LRP8: variants seen among roughly 807,000 people sequenced by gnomAD.
The protein encoded by LRP8 is low-density lipoprotein receptor-related protein 8.
A neutral mutation model predicts 111.6 loss-of-function variants in LRP8; 46 were observed. The observed-to-expected ratio is 0.41, with a 90% CI of 0.33 to 0.53. LRP8 has a LOEUF of 0.53. Among genes scored for constraint, LRP8 ranks in the 20% least tolerant of loss-of-function variants. The pLI, the probability that LRP8 is intolerant of heterozygous loss-of-function variation, is 0.20. For missense variants in LRP8, 959 were observed against 1,297.4 expected (o/e 0.74, Z 4.01); for synonymous variants, 464 against 511.2 (o/e 0.91, Z 1.24).
intron 16 of LRP8, among the ~76,000 whole-genome samples, chr1:53,252,862 G>T (rs1228507100): frequency 6.6e-6 from 1 of 152,146 alleles, no homozygotes; most frequent in Admixed American, 6.5e-5. Context: ...AATAAAAATA[G>T]CTGAGAAGAT....
At position 53,262,414 on chromosome 1, in the gene LRP8, T is replaced by C. The variant is rs1201874432; in HGVS notation, c.1774+32A>G. On this transcript the variant is annotated intron_variant, in intron 11 of 18. Coordinates refer to ENST00000306052, the MANE Select transcript of LRP8 (RefSeq NM_004631.5). This position sits in a 1 kb window ranked among gnomAD's most constrained non-coding sequence, Gnocchi z 4.8. ...CAGTGATCAGGACAAGGCACTAGAA[T>C]AGGCCCCCAACCCAGGAAAGGCAGG... 1 of 1,599,762 alleles carries C rather than the reference T, an allele frequency of 6.3e-7. No individual in the cohort carries two copies. Among genetic ancestry groups the C allele is most frequent in the African/African-American group, 1.3e-5 (1 of 74,678 alleles).
At chr1:53,261,996 C>T in intron 12 of LRP8, 72 bp downstream of exon 12, 2 of 1,547,602 alleles carry the variant, frequency 1.3e-6, no homozygotes, top group South Asian at 1.2e-5. Context: ...CTCAGGGACT[C>T]ATCCTATTTG....
At chr1:53,287,425 A>C (rs769880744) in intron 3 of LRP8, among the ~76,000 whole-genome samples, 2 of 152,208 alleles carry the variant, frequency 1.3e-5, no homozygotes, top group Non-Finnish European at 2.9e-5. Flanking sequence ...GAGTTTAGGA[A>C]TCTAGGAATG....
rs1353063588 is a variant in LRP8 at position 53,327,891 on chromosome 1, G to T, written c.22C>A (p.Pro8Thr). 4.7e-6 allele frequency: 7 copies of T among 1,477,472 alleles called. No homozygotes were observed. Among genetic ancestry groups the T allele is most frequent in the Middle Eastern group, 2.4e-4 (1 of 4,162 alleles). 91.5% of individuals were successfully genotyped at this position (1,477,472 alleles called of 1,614,324 possible). Residue 8 changes from proline (P) to threonine (T), a missense_variant, in exon 1 of 19, where the codon CCT becomes ACT. This residue lies in a region of LRP8 where 97 missense variants were observed against 107.5 expected (regional missense o/e 0.90). Transcript: ENST00000306052. MGLPEPG[P>T]LRLLALLLLL... ...AGCAGCAGCGCCAGAAGCCGGAGAG[G>T]GCCCGGCTCGGGGAGGCCCATGGCG...
chr1:53,260,987 C>T (rs1646314477), intron 12 of LRP8, among the ~76,000 whole-genome samples: 1 of 152,176 alleles, frequency 6.6e-6, no homozygotes, highest in South Asian at 2.1e-4. Context: ...GCTGGGCTTC[C>T]TGTAGCCTCT....
chr1:53,321,157 C>T (rs960310897), intron 2 of LRP8, among the ~76,000 whole-genome samples: 11 of 152,178 alleles, frequency 7.2e-5, no homozygotes, highest in African/African-American at 2.4e-4. Context: ...ACAAGGCTGG[C>T]GGAGTGCACA....
At chr1:53,312,711 G>A (rs568859711) in intron 2 of LRP8, among the ~76,000 whole-genome samples, 1 of 152,232 alleles carries the variant, frequency 6.6e-6, no homozygotes, top group Admixed American at 6.5e-5. Flanking sequence ...GATTCCACAA[G>A]GGATGGGGAG....
Position 53,266,856 on chromosome 1 carries a change from T to C in LRP8, c.1253-209A>G. Reference sequence around the variant, plus strand: ...GCACCACGCATAGCAGGAAGATTCTTATTCTTTTTATTAGATACAAACTTC... The same window carrying C: ...GCACCACGCATAGCAGGAAGATTCTCATTCTTTTTATTAGATACAAACTTC... On this transcript the variant is annotated intron_variant, in intron 8 of 18. Transcript: ENST00000306052. The surrounding 1 kb of genome is among the most constrained non-coding windows in gnomAD (Gnocchi z 5.0). 1.8e-6 allele frequency: 1 copy of C among 547,196 alleles called. No individual in the cohort carries two copies. The highest frequency in any genetic ancestry group is 2.4e-5 in the South Asian group (1 of 42,332). The allele number at this position is 547,196 out of a possible 1,614,324, so 33.9% of individuals were successfully genotyped here.
chr1:53,283,498 T>TACTTACTACATACCCGGGCC (rs1647188881), intron 3 of LRP8, among the ~76,000 whole-genome samples: 1 of 91,426 alleles, frequency 1.1e-5, no homozygotes, highest in Non-Finnish European at 2.2e-5. Context: ...CCGGGCCACT[T>TACTTACTACATACCCGGGCC]ACTTACTTAC....
chr1:53,320,445 C>A (rs954031204), intron 2 of LRP8, among the ~76,000 whole-genome samples: 2 of 152,172 alleles, frequency 1.3e-5, no homozygotes, highest in Admixed American at 6.5e-5. Flanking sequence ...GCCAATTCGA[C>A]CATCAGGGCC....
rs1442211835 is a variant in LRP8, at chr1:53,257,459, G to T, written c.2215C>A (p.Gln739Lys). 27 of 1,613,520 alleles carry T rather than the reference G, an allele frequency of 1.7e-5. No homozygotes were observed. Among genetic ancestry groups the T allele is most frequent in the Non-Finnish European group, 2.3e-5 (27 of 1,179,656 alleles). Reference protein sequence around the residue: ...PDMKRCYRAPQSTSTTTLAST... With the variant: ...PDMKRCYRAPKSTSTTTLAST... ...GCTAACGTCGTAGTTGAGGTAGATT[G>T]AGGTGCTGGAGGGGAAATACCATGG... The change falls in exon 15 of 19, where the codon CAA becomes AAA. Residue 739 changes from glutamine (Q) to lysine (K), a missense_variant. Coordinates refer to ENST00000306052, the MANE Select transcript of LRP8 (RefSeq NM_004631.5).
chr1:53,315,796 A>G (rs975767787), intron 2 of LRP8, among the ~76,000 whole-genome samples: 4 of 152,192 alleles, frequency 2.6e-5, no homozygotes, highest in African/African-American at 9.6e-5. Flanking sequence ...CCCAGATCAC[A>G]TGGCATGTTG....
At chr1:53,320,073 A>G (rs556469129) in intron 2 of LRP8, among the ~76,000 whole-genome samples, 42 of 152,288 alleles carry the variant, frequency 2.8e-4, no homozygotes, top group Non-Finnish European at 5.0e-4. Flanking sequence ...AAATGCAGTC[A>G]TGATACCTCA....
intron 2 of LRP8, among the ~76,000 whole-genome samples, chr1:53,297,597 G>A (rs1649995335): frequency 6.6e-6 from 1 of 152,228 alleles, no homozygotes; most frequent in African/African-American, 2.4e-5. Flanking sequence ...TGCAGGTGCT[G>A]AGGAGGAGGG....
At chr1:53,270,876 T>C in intron 8 of LRP8, 152 bp downstream of exon 8, 1 of 1,105,536 alleles carries the variant, frequency 9.0e-7, no homozygotes, top group South Asian at 1.5e-5. Context: ...TCTCCCAAGC[T>C]AGACAAGGGA....
chr1:53,314,792 C>T (rs962566245), intron 2 of LRP8, among the ~76,000 whole-genome samples: 1 of 152,180 alleles, frequency 6.6e-6, no homozygotes, highest in Non-Finnish European at 1.5e-5. Context: ...GAAGATGCTG[C>T]CCACAGCTCA....
At chr1:53,324,716 A>C (rs1221953887) in intron 2 of LRP8, among the ~76,000 whole-genome samples, 3 of 152,038 alleles carry the variant, frequency 2.0e-5, no homozygotes, top group African/African-American at 7.2e-5. Context: ...GTCACTCAGC[A>C]CCCAGCTACT....
At chr1:53,264,861 G>A (rs545005480) in intron 9 of LRP8, among the ~76,000 whole-genome samples, 6 of 152,164 alleles carry the variant, frequency 3.9e-5, no homozygotes, top group Non-Finnish European at 7.4e-5. Flanking sequence ...GATACTTAGG[G>A]GAGCTGCTTA....
chr1:53,321,610 G>A (rs2100548553), intron 2 of LRP8, among the ~76,000 whole-genome samples: 1 of 152,276 alleles, frequency 6.6e-6, no homozygotes, highest in Middle Eastern at 3.4e-3. Flanking sequence ...CCCCAAGGAG[G>A]AAAGTTGTCA....
Sources: allele counts gnomAD v4.1 joint callset (sites outside exome capture counted in the v4.1 genomes callset), GRCh38; gene constraint gnomAD v4.1.1; regional missense constraint gnomAD v4.1.1; non-coding constraint Gnocchi (gnomAD v3.1); transcripts MANE v1.5; gene names NCBI Gene and HGNC (gene_info 2026-07-23, HGNC 2026-07-21).